Variants in RAP1A observed in about 807,000 individuals in gnomAD.
RAP1A encodes the protein ras-related protein Rap-1A.
In RAP1A, 6 loss-of-function variants were observed where a neutral mutation model predicts 26.4. The observed-to-expected ratio is 0.23, with a 90% CI of 0.12 to 0.45. The LOEUF is 0.45. Among genes scored for constraint, RAP1A ranks in the 20% least tolerant of loss-of-function variants. RAP1A has a pLI of 0.99. For synonymous variants in RAP1A, 73 were observed against 79.4 expected (o/e 0.92, Z 0.43); for missense variants, 121 against 217.2 (o/e 0.56, Z 2.78).
At chr1:111,691,212 T>A (rs1349202518) in intron 1 of RAP1A, 122 bp from the exon 2 acceptor site, 1 of 500,650 alleles carries the variant, frequency 2.0e-6, no homozygotes, top group Non-Finnish European at 3.4e-6. Flanking sequence ...GTAGCTTCTG[T>A]TGTCCCTTTG....
intron 1 of RAP1A, among the ~76,000 whole-genome samples, chr1:111,589,019 T>G (rs1658427474): frequency 6.6e-6 from 1 of 152,170 alleles, no homozygotes. Context: ...GTAAAAGAAG[T>G]GCTTTATTAT....
intron 1 of RAP1A, among the ~76,000 whole-genome samples, chr1:111,561,720 T>C (rs1033746209): frequency 2.0e-5 from 3 of 152,000 alleles, no homozygotes; most frequent in African/African-American, 7.3e-5. Context: ...CTTAATGGAG[T>C]CTTTCTCTCA....
chr1:111,704,135 T>C (rs1180569002), intron 5 of RAP1A, among the ~76,000 whole-genome samples: 1 of 147,324 alleles, frequency 6.8e-6, no homozygotes, highest in Non-Finnish European at 1.5e-5. Flanking sequence ...ATCTATGTAG[T>C]AGGATCTCTT....
intron 1 of RAP1A, among the ~76,000 whole-genome samples, chr1:111,544,469 T>C (rs1656963949): frequency 6.6e-6 from 1 of 152,216 alleles, no homozygotes; most frequent in African/African-American, 2.4e-5. Context: ...CAGTCTTTTG[T>C]GTCTAACTTA....
rs116401550 is a variant in RAP1A at position 111,609,008 on chromosome 1, C to A, written c.-28+66499C>A. ...TGATAAACCTGAGCGATTTTAAGAT[C>A]ACAAATTGGTTCTGGAACTCATTAA... On this transcript the variant is annotated intron_variant, in intron 1 of 7. Transcript: ENST00000356415. Among the ~76,000 whole-genome samples the A allele has an allele frequency of 1.1e-3, 163 of 152,308 alleles. 1 individual carries two copies. The highest frequency in any genetic ancestry group is 3.9e-3 in the African/African-American group (160 of 41,554).
At chr1:111,678,133 A>C (rs1393060873) in intron 1 of RAP1A, among the ~76,000 whole-genome samples, 1 of 151,968 alleles carries the variant, frequency 6.6e-6, no homozygotes, top group African/African-American at 2.4e-5. Flanking sequence ...TTGCATTTTC[A>C]TATAAGTTTT....
chr1:111,578,588 T>C (rs188887173), intron 1 of RAP1A, among the ~76,000 whole-genome samples: 1 of 151,910 alleles, frequency 6.6e-6, no homozygotes, highest in African/African-American at 2.4e-5. Flanking sequence ...AATAACAGAG[T>C]GTAAAAGGAA....
intron 1 of RAP1A, among the ~76,000 whole-genome samples, chr1:111,688,300 TA>T (rs1661556361): frequency 1.8e-5 from 2 of 113,648 alleles, no homozygotes; most frequent in Non-Finnish European, 3.6e-5. Flanking sequence ...TGTGTGTGTG[TA>T]TATATATTTT....
intron 1 of RAP1A, among the ~76,000 whole-genome samples, chr1:111,551,885 A>G (rs889512779): frequency 6.6e-6 from 1 of 152,142 alleles, no homozygotes; most frequent in Non-Finnish European, 1.5e-5. Context: ...TGCTCAGGTA[A>G]ACTAGAGGGG....
rs181050819 is a variant in RAP1A at position 111,613,400 on chromosome 1, C to T, written c.-28+70891C>T. Among the ~76,000 whole-genome samples, 26 of 152,190 alleles carry T rather than the reference C, an allele frequency of 1.7e-4. No individual in the cohort carries two copies. In the East Asian group the frequency reaches 5.0e-3, roughly 29 times the overall value. On this transcript the variant is annotated intron_variant, in intron 1 of 7. Coordinates refer to the RAP1A transcript ENST00000356415. ...ATTTTTAGTAGAGACGGGGTTTCACCGTGTTAGCTAGGATGGTCTCGATCT... is the reference window on the plus strand; with the variant it reads ...ATTTTTAGTAGAGACGGGGTTTCACTGTGTTAGCTAGGATGGTCTCGATCT...
intron 1 of RAP1A, among the ~76,000 whole-genome samples, chr1:111,569,391 CAAAA>C (rs34387699): frequency 2.3e-4 from 24 of 104,470 alleles, no homozygotes; most frequent in Admixed American, 5.0e-4. Context: ...ACTCCGTCTC[CAAAA>C]AAAAAAAAAA....
chr1:111,645,311 T>G (rs1660030553), intron 1 of RAP1A, among the ~76,000 whole-genome samples: 1 of 152,106 alleles, frequency 6.6e-6, no homozygotes, highest in African/African-American at 2.4e-5. Context: ...ATCCTTTGAG[T>G]GGGACTTTAG....
At chr1:111,585,722 C>A (rs1280388132) in intron 1 of RAP1A, among the ~76,000 whole-genome samples, 4 of 152,222 alleles carry the variant, frequency 2.6e-5, no homozygotes, top group African/African-American at 9.6e-5. Context: ...ATAGTTCTGA[C>A]ATTCTGTGTT....
chr1:111,608,395 G>C (rs1658852512), intron 1 of RAP1A: 1 of 173,006 alleles, frequency 5.8e-6, no homozygotes. Context: ...CGGCCGGGCA[G>C]AGACGCTCCT....
intron 3 of RAP1A, among the ~76,000 whole-genome samples, chr1:111,696,475 C>G (rs968171745): frequency 2.6e-5 from 4 of 152,192 alleles, no homozygotes; most frequent in Admixed American, 2.0e-4. Context: ...ACAAATTTTG[C>G]AGATTATCAC....
intron 1 of RAP1A, among the ~76,000 whole-genome samples, chr1:111,573,423 C>A (rs941320541): frequency 1.3e-5 from 2 of 151,816 alleles, no homozygotes; most frequent in Non-Finnish European, 2.9e-5. Flanking sequence ...TTTTTTTTGC[C>A]TCCCGGGTTG....
At chr1:111,547,104 T>C (rs1450396509) in intron 1 of RAP1A, among the ~76,000 whole-genome samples, 1 of 152,194 alleles carries the variant, frequency 6.6e-6, no homozygotes, top group Non-Finnish European at 1.5e-5. Context: ...AACTAATTTT[T>C]GTATATTGGT....
At chr1:111,544,559 G>T (rs1243744445) in intron 1 of RAP1A, among the ~76,000 whole-genome samples, 2 of 152,108 alleles carry the variant, frequency 1.3e-5, no homozygotes, top group African/African-American at 4.8e-5. Context: ...TTTTGTAGTT[G>T]AATAACGTTC....
At chr1:111,701,362 C>T (rs1038014969) in intron 4 of RAP1A, among the ~76,000 whole-genome samples, 1 of 152,182 alleles carries the variant, frequency 6.6e-6, no homozygotes, top group Non-Finnish European at 1.5e-5. Flanking sequence ...CATGGTTGCT[C>T]AAATGTTACC....
Sources: allele counts gnomAD v4.1 joint callset (sites outside exome capture counted in the v4.1 genomes callset), GRCh38; gene constraint gnomAD v4.1.1; transcripts MANE v1.5; gene names NCBI Gene and HGNC (gene_info 2026-07-23, HGNC 2026-07-21).